A1CF: variants seen among roughly 807,000 people sequenced by gnomAD.
A1CF encodes APOBEC1 complementation factor.
In A1CF, 48 loss-of-function variants were observed where a neutral mutation model predicts 68.9. The observed-to-expected ratio is 0.70, with a 90% CI of 0.55 to 0.89. The LOEUF (loss-of-function observed/expected upper bound fraction) is 0.89. Ranked by LOEUF, A1CF falls within the 40% of genes least tolerant of loss-of-function variation. The pLI is 0.00. For synonymous variants in A1CF, 272 were observed against 260.4 expected, an observed-to-expected ratio of 1.04 and a Z score of -0.43; for missense variants, 653 against 718.9, an observed-to-expected ratio of 0.91 and a Z score of 1.05.
rs1366579512 is a variant in A1CF at position 50,806,742 on chromosome 10, T to A, written c.1748A>T (p.Tyr583Phe). Residue 583 changes from tyrosine (Y) to phenylalanine (F), a missense_variant, in exon 13 of 13, where the codon TAT becomes TTT. Coordinates refer to ENST00000373997, the MANE Select transcript of A1CF (RefSeq NM_014576.4). ...TFAVTARGDG[Y>F]GTF Reference sequence around the variant, plus strand: ...AAAAAAGCATCTTCAGAAGGTGCCATATCCATCCCCTCGGGCAGTCACTGC... The same window carrying A: ...AAAAAAGCATCTTCAGAAGGTGCCAAATCCATCCCCTCGGGCAGTCACTGC... The A allele has an allele frequency of 3.7e-6, 6 of 1,604,476 alleles. No homozygotes were observed. In the East Asian group the frequency reaches 6.7e-5, roughly 18 times the overall value.
At position 50,836,380 on chromosome 10, in the gene A1CF, G is replaced by C. The variant is rs12245431; in HGVS notation, c.366-68C>G. 5.7e-3 allele frequency: 8,574 copies of C among 1,513,772 alleles called. 379 individuals carry two copies. In the African/African-American group the frequency reaches 0.092, roughly 16 times the overall value. The allele number at this position is 1,513,772 out of a possible 1,614,324, so 93.8% of individuals were successfully genotyped here. On this transcript the variant is annotated intron_variant, in intron 5 of 12. Transcript: ENST00000373997. ...GGATTCAGGTTGAAAATGTATGGCT[G>C]TGGGCCAAATGTTGCCTGAAGATGT...
Position 50,800,547 on chromosome 10 carries a change from G to C in A1CF, c.*6182C>G, listed in dbSNP as rs1337253726. ...TGGGACTGTGTGCCCCAATTAAAGAGAGAAGTAGGAAATATATGTATTTGT... is the reference window on the plus strand; with the variant it reads ...TGGGACTGTGTGCCCCAATTAAAGACAGAAGTAGGAAATATATGTATTTGT... On this transcript the variant is annotated 3_prime_UTR_variant, in exon 13 of 13. Coordinates refer to ENST00000373997, the MANE Select transcript of A1CF (RefSeq NM_014576.4). 2.6e-5 allele frequency: 4 copies of C among 152,096 alleles called. No individual in the cohort carries two copies. Among genetic ancestry groups the C allele is most frequent in the Non-Finnish European group, 5.9e-5 (4 of 68,004 alleles). 9.4% of individuals were successfully genotyped at this position (152,096 alleles called of 1,614,324 possible). A position where few individuals can be genotyped will look rare whatever the true frequency, so the allele number is the denominator to read the frequency against.
rs192585176 is a variant in A1CF at position 50,844,005 on chromosome 10, T to C, written c.217A>G (p.Ile73Val). The part of the protein sequence containing the change: ...LPRDLFEDEL[I>V]PLCEKIGKIY... ...GGACTCACTTTTTCACATAATGGTA[T>C]AAGCTCATCCTCAAAAAGGTCTCGG... The change falls in exon 4 of 13, where the codon ATA becomes GTA. Residue 73 changes from isoleucine to valine, a missense_variant. Physicochemically the swap from Ile to Val is conservative, Grantham distance 29 (BLOSUM62 3). Transcript: ENST00000373997. 2.2e-5 allele frequency: 35 copies of C among 1,613,890 alleles called. No homozygotes were observed. The African/African-American group carries it at 4.7e-4, about 22-fold the overall frequency.
At chr10:50,864,497 T>G (rs573266079) in intron 1 of A1CF, among the ~76,000 whole-genome samples, 1 of 152,310 alleles carries the variant, frequency 6.6e-6, no homozygotes, top group Non-Finnish European at 1.5e-5. Flanking sequence ...TCTTACAGCT[T>G]CCATTAACTG....
chr10:50,816,920 C>T (rs1186238452), intron 8 of A1CF, among the ~76,000 whole-genome samples: 1 of 152,144 alleles, frequency 6.6e-6, no homozygotes, highest in Non-Finnish European at 1.5e-5. Context: ...CTTGTGAAGC[C>T]ACCTTTTGAT....
chr10:50,822,500 G>A (rs146323453), intron 7 of A1CF, among the ~76,000 whole-genome samples: 221 of 152,272 alleles, frequency 1.5e-3, no homozygotes, highest in African/African-American at 4.8e-3. Flanking sequence ...ACTCTCCCAC[G>A]TGGTTCAATG....
chr10:50,836,299 A>G lies in A1CF; in HGVS notation c.379T>C (p.Leu127=). Residue 127 remains leucine, a synonymous_variant, in exon 6 of 13, where the codon TTA becomes CTA. Transcript: ENST00000373997. ...NNYEIRNGRL[L]GVCASVDNCR... Reference sequence around the variant, plus strand: ...TTGTCCACACTGGCACAAACCCCTAAGAGGCGCCCATTTCTGCAAAAAGAG... The same window carrying G: ...TTGTCCACACTGGCACAAACCCCTAGGAGGCGCCCATTTCTGCAAAAAGAG... 1.2e-6 allele frequency: 2 copies of G among 1,611,612 alleles called. No homozygotes were observed. The highest frequency in any genetic ancestry group is 1.7e-6 in the Non-Finnish European group (2 of 1,179,250).
At chr10:50,844,803 T>A (rs1839927052) in intron 3 of A1CF, among the ~76,000 whole-genome samples, 2 of 152,222 alleles carry the variant, frequency 1.3e-5, no homozygotes, top group African/African-American at 4.8e-5. Flanking sequence ...ATAGGCCTTT[T>A]CAAATATTTT....
chr10:50,811,485 A>G (rs4347324), intron 10 of A1CF, among the ~76,000 whole-genome samples: 33,110 of 152,100 alleles, frequency 0.22, 4,223 homozygotes, highest in East Asian at 0.46. Flanking sequence ...TGTTTTTGTA[A>G]AAATTGTTGC....
chr10:50,820,562 A>G lies in A1CF; in HGVS notation c.857T>C (p.Leu286Ser), dbSNP rs1338108823. 17 of 1,613,230 alleles carry G rather than the reference A, an allele frequency of 1.1e-5. No homozygotes were observed. The highest frequency in any genetic ancestry group is 2.2e-5 in the East Asian group (1 of 44,782). The change falls in exon 8 of 13, where the codon TTA (leucine) becomes TCA (serine). Residue 286 changes from leucine (L) to serine (S), a missense_variant. By Grantham distance (145) the Leu-to-Ser change is moderately radical. Transcript: ENST00000373997. ...TTTCTTCTACCTTACCTTGCCATTT[A>G]AAGCTTTCATAGCCTCAACTGCATC... is the stretch of plus-strand genomic sequence containing the variant. ...REDAVEAMKA[L>S]NGKVLDGSPI...
chr10:50,882,940 G>T (rs1216292997), intron 1 of A1CF, among the ~76,000 whole-genome samples: 1 of 152,094 alleles, frequency 6.6e-6, no homozygotes, highest in Non-Finnish European at 1.5e-5. Flanking sequence ...GTGTCCCATG[G>T]GTTTGGGTGA....
intron 12 of A1CF, among the ~76,000 whole-genome samples, chr10:50,809,258 A>G (rs1276947679): frequency 6.6e-6 from 1 of 152,214 alleles, no homozygotes; most frequent in East Asian, 1.9e-4. Flanking sequence ...AATTGAGTTG[A>G]GTCCTGATTA....
chr10:50,804,430 T>A lies in A1CF; in HGVS notation c.*2299A>T, dbSNP rs1054765028. On this transcript the variant is annotated 3_prime_UTR_variant, in exon 13 of 13. Coordinates refer to ENST00000373997, the MANE Select transcript of A1CF (RefSeq NM_014576.4). ...ACAAGACATCCAGAATACCCTTTGC[T>A]GTTTATTTGCAAAGATTTTAAGGAA... The A allele has an allele frequency of 2.6e-5, 4 of 152,202 alleles. No homozygotes were observed. The highest frequency in any genetic ancestry group is 9.6e-5 in the African/African-American group (4 of 41,470). 9.4% of individuals were successfully genotyped at this position (152,202 alleles called of 1,614,324 possible).
At chr10:50,882,780 G>C (rs1429135960) in intron 1 of A1CF, among the ~76,000 whole-genome samples, 1 of 152,090 alleles carries the variant, frequency 6.6e-6, no homozygotes, top group Non-Finnish European at 1.5e-5. Context: ...AGTCATTTTA[G>C]AGACACATAA....
chr10:50,874,836 GA>G lies in A1CF; in HGVS notation c.-94+10744del, dbSNP rs1841433082. ...CAGGTGCCAATAGCCATGACATACA[GA>G]AGCTGTGCACAAAAACCAGACTCCC... On this transcript the variant is annotated intron_variant, in intron 1 of 12. Coordinates refer to ENST00000373997, the MANE Select transcript of A1CF (RefSeq NM_014576.4). Among the ~76,000 whole-genome samples the G allele has an allele frequency of 2.0e-5, 3 of 152,150 alleles. No homozygotes were observed. In the South Asian group the frequency reaches 6.2e-4, roughly 32 times the overall value.
chr10:50,838,167 T>G (rs1257414242), intron 5 of A1CF, among the ~76,000 whole-genome samples: 2 of 152,200 alleles, frequency 1.3e-5, no homozygotes, highest in Non-Finnish European at 2.9e-5. Flanking sequence ...GCGATTGGTC[T>G]GATATCCATG....
At chr10:50,829,211 C>A (rs1839120378) in intron 6 of A1CF, among the ~76,000 whole-genome samples, 2 of 152,026 alleles carry the variant, frequency 1.3e-5, no homozygotes, top group Admixed American at 1.3e-4. Context: ...CCACCTCCCC[C>A]TTTTTTGTTG....
intron 3 of A1CF, 76 bp from the exon 4 acceptor site, chr10:50,844,198 A>G: frequency 6.4e-7 from 1 of 1,563,272 alleles, no homozygotes; most frequent in Non-Finnish European, 8.7e-7. Flanking sequence ...AGTATTTTTC[A>G]AAATAATTTC....
At chr10:50,839,592 C>A (rs1200099975) in intron 5 of A1CF, among the ~76,000 whole-genome samples, 1 of 152,220 alleles carries the variant, frequency 6.6e-6, no homozygotes, top group African/African-American at 2.4e-5. Flanking sequence ...CCACATACTA[C>A]ACAAAGCTCT....
Sources: gnomAD v4.1 joint callset for allele counts (sites outside exome capture counted in the v4.1 genomes callset) on GRCh38, gnomAD v4.1.1 for gene constraint, MANE v1.5 for transcripts, NCBI Gene and HGNC (gene_info 2026-07-23, HGNC 2026-07-21) for gene names.